USP10: variants seen among roughly 807,000 people sequenced by gnomAD.
USP10 encodes the protein ubiquitin specific peptidase 10.
USP10 carries 22 observed loss-of-function variants against 84.5 expected under a neutral mutation model. The observed-to-expected ratio is 0.26, with a 90% confidence interval of 0.19 to 0.37. The LOEUF (loss-of-function observed/expected upper bound fraction) is 0.37. USP10 is among the 10% of genes least tolerant of loss of function. The pLI, the probability that USP10 is intolerant of heterozygous loss-of-function variation, is 1.00. For missense variants in USP10, 1,019 were observed against 998.9 expected (o/e 1.02, Z -0.27); for synonymous variants, 454 against 387.6 (o/e 1.17, Z -2.01).
chr16:84,770,703 C>T (rs541212598), intron 11 of USP10, among the ~76,000 whole-genome samples: 1 of 147,698 alleles, frequency 6.8e-6, no homozygotes, highest in Admixed American at 6.9e-5. Context: ...ACCTGGGAGG[C>T]GGAGCTTGCA....
intron 1 of USP10, among the ~76,000 whole-genome samples, chr16:84,721,898 G>T: frequency 6.6e-6 from 1 of 152,282 alleles, no homozygotes; most frequent in South Asian, 2.1e-4. Flanking sequence ...GGGTTTCACC[G>T]TGTTGCCTAG....
At chr16:84,704,797 G>C (rs1235480747) in intron 1 of USP10, 13 of 1,535,436 alleles carry the variant, frequency 8.5e-6, no homozygotes, top group African/African-American at 8.2e-5. Context: ...AGCTCTACCA[G>C]CACTGCCATT....
chr16:84,770,539 A>G lies in USP10; in HGVS notation c.1999-2002A>G, dbSNP rs532989186. Among the ~76,000 whole-genome samples, 289 of 152,142 alleles carry G rather than the reference A, an allele frequency of 1.9e-3. 1 individual carries two copies. The highest frequency in any genetic ancestry group is 2.6e-3 in the Admixed American group (40 of 15,290). ...TGTAATCCCAGCACTTTGGGAGGCCAAGGCGGGTGGATCACGAGGTCAGGA... is the reference window on the plus strand; with the variant it reads ...TGTAATCCCAGCACTTTGGGAGGCCGAGGCGGGTGGATCACGAGGTCAGGA... On this transcript the variant is annotated intron_variant, in intron 11 of 13. Coordinates refer to ENST00000219473, the MANE Select transcript of USP10 (RefSeq NM_005153.3).
chr16:84,747,554 A>ATTTT lies in USP10; in HGVS notation c.1192+1904_1192+1907dup, dbSNP rs71151244. ...CATATATATTTTTTAAAGCCAGGTG[A>ATTTT]TTTTTTTTTTTTTTTTTTTTTTTTT... On this transcript the variant is annotated intron_variant, in intron 4 of 13. Coordinates refer to ENST00000219473, the MANE Select transcript of USP10 (RefSeq NM_005153.3). 2.6e-3 allele frequency among the ~76,000 whole-genome samples: 192 copies of ATTTT among 73,034 alleles called. 30 individuals carry two copies. Among genetic ancestry groups the ATTTT allele is most frequent in the Non-Finnish European group, 3.7e-3 (163 of 43,854 alleles). The allele number at this position is 73,034 out of a possible 152,430, so 47.9% of individuals were successfully genotyped here.
At chr16:84,714,227 C>T (rs1041505872) in intron 1 of USP10, among the ~76,000 whole-genome samples, 3 of 152,130 alleles carry the variant, frequency 2.0e-5, no homozygotes, top group East Asian at 1.9e-4. Flanking sequence ...GGGTGGCTGG[C>T]GGGAGCCAGC....
At chr16:84,751,086 C>T (rs1051309562) in intron 4 of USP10, among the ~76,000 whole-genome samples, 2 of 152,146 alleles carry the variant, frequency 1.3e-5, no homozygotes, top group Non-Finnish European at 2.9e-5. Context: ...GACAGTGGTC[C>T]CATAAGATTA....
At chr16:84,707,914 A>G (rs1007383095) in intron 1 of USP10, among the ~76,000 whole-genome samples, 1 of 151,508 alleles carries the variant, frequency 6.6e-6, no homozygotes. Context: ...CTCTTTCTCT[A>G]CAAAAATACA....
intron 4 of USP10, among the ~76,000 whole-genome samples, chr16:84,754,681 A>C (rs1567633545): frequency 6.6e-6 from 1 of 152,230 alleles, no homozygotes; most frequent in Non-Finnish European, 1.5e-5. Flanking sequence ...GGAATGGCTG[A>C]TGTAGAAACT....
intron 1 of USP10, among the ~76,000 whole-genome samples, chr16:84,704,192 A>G (rs1905210003): frequency 6.6e-6 from 1 of 152,078 alleles, no homozygotes; most frequent in Admixed American, 6.5e-5. Flanking sequence ...TAAAGATATA[A>G]TTTCAGACAT....
intron 1 of USP10, among the ~76,000 whole-genome samples, chr16:84,722,971 G>A (rs1454480424): frequency 6.6e-6 from 1 of 152,142 alleles, no homozygotes; most frequent in Non-Finnish European, 1.5e-5. Flanking sequence ...GGTTCTTAGT[G>A]AAATGTGCCC....
intron 1 of USP10, among the ~76,000 whole-genome samples, chr16:84,701,427 CA>C (rs1357680602): frequency 6.6e-6 from 1 of 151,888 alleles, no homozygotes; most frequent in African/African-American, 2.4e-5. Flanking sequence ...ATGTATAGCC[CA>C]AAGATTTTAA....
intron 12 of USP10, among the ~76,000 whole-genome samples, chr16:84,774,104 G>T (rs1343144433): frequency 2.6e-5 from 4 of 152,032 alleles, no homozygotes; most frequent in African/African-American, 9.7e-5. Flanking sequence ...ACAAAAATTA[G>T]CCTAGCATGG....
At chr16:84,760,496 C>G (rs1488332422) in intron 8 of USP10, among the ~76,000 whole-genome samples, 7 of 152,182 alleles carry the variant, frequency 4.6e-5, no homozygotes, top group Non-Finnish European at 1.0e-4. Context: ...TGATTATGGT[C>G]TCCTTGTTAC....
intron 1 of USP10, among the ~76,000 whole-genome samples, chr16:84,714,023 G>C (rs1906664524): frequency 6.6e-6 from 1 of 152,226 alleles, no homozygotes; most frequent in Non-Finnish European, 1.5e-5. Context: ...AGTTCTGGGA[G>C]ACTAGAAAGG....
At chr16:84,701,914 T>A (rs990657201) in intron 1 of USP10, among the ~76,000 whole-genome samples, 1 of 150,648 alleles carries the variant, frequency 6.6e-6, no homozygotes, top group Non-Finnish European at 1.5e-5. Flanking sequence ...GGAAATAGTT[T>A]GATTTCTCAT....
rs186365835 is a variant in USP10, at chr16:84,724,827, T to C, written c.22-8608T>C. Among the ~76,000 whole-genome samples the C allele has an allele frequency of 4.3e-4, 66 of 152,352 alleles. 1 individual carries two copies. In the East Asian group the frequency reaches 0.011, roughly 25 times the overall value. The stretch of plus-strand genomic sequence containing the variant: ...ATTGTTAAATTGGCGAACTTCCTGG[T>C]GTGCATTCACTAGTTGATGATAGTG... On this transcript the variant is annotated intron_variant, in intron 1 of 13. Coordinates refer to ENST00000219473, the MANE Select transcript of USP10 (RefSeq NM_005153.3).
chr16:84,766,126 G>A (rs1487255222), intron 10 of USP10, among the ~76,000 whole-genome samples: 6 of 152,304 alleles, frequency 3.9e-5, no homozygotes, highest in East Asian at 1.9e-4. Flanking sequence ...TTCAGTCTCA[G>A]TTCTGAGACT....
Position 84,745,198 on chromosome 16 carries a change from A to C in USP10, c.717A>C (p.Ala239=). The C allele has an allele frequency of 6.2e-7, 1 of 1,613,286 alleles. No individual in the cohort carries two copies. Among genetic ancestry groups the C allele is most frequent in the Non-Finnish European group, 8.5e-7 (1 of 1,179,582 alleles). ...PGALGSDTRT[A]GQPEGGPGAD... is the part of the protein sequence containing the mutation. ...CACTCGGCAGTGACACCAGGACTGC[A>C]GGGCAGCCAGAGGGGGGCCCCGGGG... is the stretch of plus-strand genomic sequence containing the variant. Residue 239 remains alanine, a synonymous_variant, in exon 4 of 14, where the codon GCA becomes GCC. Transcript: ENST00000219473.
chr16:84,770,937 G>A (rs530307095), intron 11 of USP10, among the ~76,000 whole-genome samples: 1 of 151,990 alleles, frequency 6.6e-6, no homozygotes, highest in South Asian at 2.1e-4. Context: ...ATGGTGGTGT[G>A]CACATGTAGT....
Sources: allele counts gnomAD v4.1 joint callset (sites outside exome capture counted in the v4.1 genomes callset), GRCh38; gene constraint gnomAD v4.1.1; transcripts MANE v1.5; gene names NCBI Gene and HGNC (gene_info 2026-07-23, HGNC 2026-07-21).